The following CNTNAP5 variants were observed in gnomAD, a reference collection of about 807,000 sequenced individuals.
CNTNAP5 encodes contactin-associated protein-like 5.
CNTNAP5 carries 72 observed loss-of-function variants against 150.2 expected under a neutral mutation model. The observed-to-expected ratio is 0.48, with a 90% CI of 0.40 to 0.58. The LOEUF (loss-of-function observed/expected upper bound fraction) is 0.58, where lower values mean the gene tolerates loss of function less well. Ranked by LOEUF, CNTNAP5 falls within the 20% of genes least tolerant of loss-of-function variation. The probability of loss-of-function intolerance (pLI) is 0.00; values close to 1 mark genes in which losing one functional copy is unlikely to be tolerated. For synonymous variants in CNTNAP5, 672 were observed against 619.8 expected (o/e 1.08, Z -1.25); for missense variants, 1,636 against 1,626.2 (o/e 1.01, Z -0.10).
intron 1 of CNTNAP5, among the ~76,000 whole-genome samples, chr2:124,169,628 G>T (rs1684886568): frequency 6.6e-6 from 1 of 152,180 alleles, no homozygotes. Flanking sequence ...CCATTTCTAA[G>T]ATTGAAGAAC....
At chr2:124,065,500 G>A (rs1466387163) in intron 1 of CNTNAP5, among the ~76,000 whole-genome samples, 1 of 152,130 alleles carries the variant, frequency 6.6e-6, no homozygotes, top group South Asian at 2.1e-4. Context: ...TACAGTATCA[G>A]TAGAGACATG....
chr2:124,437,806 G>A (rs1692572500), intron 5 of CNTNAP5, among the ~76,000 whole-genome samples: 1 of 152,082 alleles, frequency 6.6e-6, no homozygotes, highest in Non-Finnish European at 1.5e-5. Flanking sequence ...AGAAAGAGAG[G>A]CAGGATTCAA....
chr2:124,081,352 T>C (rs896625718), intron 1 of CNTNAP5, among the ~76,000 whole-genome samples: 1 of 152,178 alleles, frequency 6.6e-6, no homozygotes, highest in Non-Finnish European at 1.5e-5. Flanking sequence ...TCTGTGAACA[T>C]TTTTCTTCCT....
chr2:124,843,135 T>C (rs1682977447), intron 19 of CNTNAP5, among the ~76,000 whole-genome samples: 1 of 152,128 alleles, frequency 6.6e-6, no homozygotes. Context: ...CTCCCACTTA[T>C]AAGTGAGAAC....
At chr2:124,457,869 T>C (rs1033326252) in intron 6 of CNTNAP5, among the ~76,000 whole-genome samples, 2 of 152,084 alleles carry the variant, frequency 1.3e-5, no homozygotes, top group African/African-American at 4.8e-5. Context: ...TGTGATACCA[T>C]CTTACTCCTG....
intron 3 of CNTNAP5, among the ~76,000 whole-genome samples, chr2:124,393,081 C>T (rs1052021805): frequency 1.3e-5 from 2 of 152,018 alleles, no homozygotes; most frequent in Non-Finnish European, 2.9e-5. Flanking sequence ...ATCATGTAAT[C>T]TAAAAAGAAG....
chr2:124,072,260 T>C (rs1456279297), intron 1 of CNTNAP5, among the ~76,000 whole-genome samples: 1 of 149,464 alleles, frequency 6.7e-6, no homozygotes, highest in East Asian at 2.0e-4. Context: ...GACCCACAGC[T>C]GGTATTATAC....
At chr2:124,555,671 A>G (rs1277356878) in intron 10 of CNTNAP5, among the ~76,000 whole-genome samples, 1 of 152,240 alleles carries the variant, frequency 6.6e-6, no homozygotes, top group South Asian at 2.1e-4. Flanking sequence ...TTCTGACATT[A>G]GTAGTAAGAA....
chr2:124,379,760 C>T (rs905869056), intron 3 of CNTNAP5, among the ~76,000 whole-genome samples: 6 of 152,226 alleles, frequency 3.9e-5, no homozygotes, highest in African/African-American at 1.4e-4. Flanking sequence ...GATTTTGCTC[C>T]TGTCAGTGGT....
At chr2:124,464,724 C>T (rs1433306106) in intron 6 of CNTNAP5, among the ~76,000 whole-genome samples, 1 of 151,976 alleles carries the variant, frequency 6.6e-6, no homozygotes, top group African/African-American at 2.4e-5. Context: ...GAGATTTAAC[C>T]AGAAAATTGG....
At chr2:124,326,601 A>G (rs10204261) in intron 3 of CNTNAP5, among the ~76,000 whole-genome samples, 1,886 of 152,240 alleles carry the variant, frequency 0.012, 39 homozygotes, top group African/African-American at 0.041. Flanking sequence ...TGTGTGACCT[A>G]AGGCCTACTT....
At chr2:124,813,695 A>T (rs1682288874) in intron 19 of CNTNAP5, among the ~76,000 whole-genome samples, 1 of 151,586 alleles carries the variant, frequency 6.6e-6, no homozygotes, top group Non-Finnish European at 1.5e-5. Flanking sequence ...TTTTTCAGGG[A>T]AATGTTCTAC....
At chr2:124,164,890 G>A (rs943272467) in intron 1 of CNTNAP5, among the ~76,000 whole-genome samples, 1 of 152,124 alleles carries the variant, frequency 6.6e-6, no homozygotes, top group Non-Finnish European at 1.5e-5. Context: ...TAAGCTACTG[G>A]ATGGGTGGCT....
chr2:124,759,991 G>A (rs939743673), intron 14 of CNTNAP5, among the ~76,000 whole-genome samples: 1 of 119,340 alleles, frequency 8.4e-6, no homozygotes, highest in Non-Finnish European at 1.7e-5. Context: ...GAGAAAGAAA[G>A]CAAAAGAGAA....
chr2:124,579,632 A>G (rs1295034835), intron 11 of CNTNAP5, among the ~76,000 whole-genome samples: 2 of 152,196 alleles, frequency 1.3e-5, no homozygotes, highest in Non-Finnish European at 2.9e-5. Context: ...TATTTTTTCA[A>G]AAGTTTTAAA....
chr2:124,842,024 T>A (rs1437265103), intron 19 of CNTNAP5, among the ~76,000 whole-genome samples: 3 of 152,164 alleles, frequency 2.0e-5, no homozygotes, highest in African/African-American at 4.8e-5. Context: ...GTTTTAAGTG[T>A]CATGCTCAAA....
intron 3 of CNTNAP5, among the ~76,000 whole-genome samples, chr2:124,264,311 G>T (rs751908030): frequency 6.6e-6 from 1 of 151,028 alleles, no homozygotes. Context: ...ATAATATTCC[G>T]GTTGAGAGTG....
intron 14 of CNTNAP5, among the ~76,000 whole-genome samples, chr2:124,761,382 T>G (rs1680952183): frequency 6.6e-6 from 1 of 152,120 alleles, no homozygotes; most frequent in Non-Finnish European, 1.5e-5. Context: ...CAACACAGCC[T>G]TCATCTGCAG....
intron 4 of CNTNAP5, among the ~76,000 whole-genome samples, chr2:124,419,683 C>T (rs771604113): frequency 3.1e-4 from 47 of 152,108 alleles, no homozygotes; most frequent in Non-Finnish European, 5.3e-4. Context: ...GGGGAGTTGT[C>T]GGACACAGAA....
Sources: gnomAD v4.1 joint callset for allele counts (sites outside exome capture counted in the v4.1 genomes callset) on GRCh38, gnomAD v4.1.1 for gene constraint, MANE v1.5 for transcripts, NCBI Gene and HGNC (gene_info 2026-07-23, HGNC 2026-07-21) for gene names.